BTRC: variants seen among roughly 807,000 people sequenced by gnomAD.
BTRC encodes the protein beta-transducin repeat containing E3 ubiquitin protein ligase, also known as F-box/WD repeat-containing protein 1A.
In BTRC, 42 loss-of-function variants were observed where a neutral mutation model predicts 85.5. The ratio of observed to expected loss-of-function variants is 0.49; its 90% CI spans 0.38 to 0.64. The LOEUF (loss-of-function observed/expected upper bound fraction) is 0.64, where lower values mean the gene tolerates loss of function less well. BTRC is among the 30% of genes least tolerant of loss of function. The pLI is 0.00. For missense variants in BTRC, 594 were observed against 743.5 expected (o/e 0.80, Z 2.34); for synonymous variants, 255 against 263.3 (o/e 0.97, Z 0.30).
rs60190021 is a variant in BTRC at position 101,368,464 on chromosome 10, CTTTTTTTTTT to C, written c.48+14259_48+14268del. On this transcript the variant is annotated intron_variant, in intron 1 of 14. Coordinates refer to ENST00000370187, the MANE Select transcript of BTRC (RefSeq NM_033637.4). ...TAGTAGAACCTATGCAACTGTTTTT[CTTTTTTTTTT>C]TTTTTTTTTTTTTTTTTTTTTTAGA... 2.3e-3 allele frequency among the ~76,000 whole-genome samples: 171 copies of C among 75,336 alleles called. 1 individual carries two copies. The highest frequency in any genetic ancestry group is 8.3e-3 in the Middle Eastern group (1 of 120). The allele number at this position is 75,336 out of a possible 152,430, so 49.4% of individuals were successfully genotyped here.
intron 4 of BTRC, among the ~76,000 whole-genome samples, chr10:101,514,855 C>A (rs12769629): frequency 6.6e-6 from 1 of 152,092 alleles, no homozygotes; most frequent in East Asian, 1.9e-4. Context: ...GTCCTTACAC[C>A]AAAGCCACAC....
intron 4 of BTRC, among the ~76,000 whole-genome samples, chr10:101,517,796 G>C (rs1301741100): frequency 6.6e-6 from 1 of 152,046 alleles, no homozygotes; most frequent in Non-Finnish European, 1.5e-5. Flanking sequence ...AGCAAATTCA[G>C]TAGGATCTGT....
intron 2 of BTRC, among the ~76,000 whole-genome samples, chr10:101,437,364 CAT>C (rs1349491614): frequency 6.6e-6 from 1 of 152,162 alleles, no homozygotes; most frequent in Non-Finnish European, 1.5e-5. Context: ...GCTAGATTAA[CAT>C]GTTAGTGTCC....
intron 1 of BTRC, among the ~76,000 whole-genome samples, chr10:101,385,525 A>G (rs1276145412): frequency 6.6e-6 from 1 of 151,056 alleles, no homozygotes. Context: ...GCATGGAGTC[A>G]TAGGATTTAA....
intron 5 of BTRC, among the ~76,000 whole-genome samples, chr10:101,525,426 AACAT>A (rs1447258521): frequency 6.6e-6 from 1 of 152,146 alleles, no homozygotes; most frequent in African/African-American, 2.4e-5. Context: ...CTTGAACTTA[AACAT>A]ACATCTCTGT....
intron 4 of BTRC, among the ~76,000 whole-genome samples, chr10:101,481,537 G>C (rs1410952346): frequency 1.1e-4 from 17 of 151,036 alleles, no homozygotes; most frequent in Admixed American, 1.1e-3. Context: ...TAAATAGGTT[G>C]GTGTGTGTCT....
chr10:101,443,479 G>A (rs1273428846), intron 2 of BTRC, among the ~76,000 whole-genome samples: 1 of 152,108 alleles, frequency 6.6e-6, no homozygotes, highest in African/African-American at 2.4e-5. Context: ...TTGATTTATA[G>A]AATGTGTATG....
At chr10:101,398,892 G>T (rs1943428780) in intron 1 of BTRC, among the ~76,000 whole-genome samples, 1 of 152,148 alleles carries the variant, frequency 6.6e-6, no homozygotes, top group South Asian at 2.1e-4. Flanking sequence ...TGTATACATT[G>T]CCTGGTTTTG....
At chr10:101,407,013 A>G (rs1456767415) in intron 1 of BTRC, among the ~76,000 whole-genome samples, 1 of 152,136 alleles carries the variant, frequency 6.6e-6, no homozygotes, top group South Asian at 2.1e-4. Flanking sequence ...AACATTTACC[A>G]CAGATGCCAA....
At chr10:101,415,165 G>A (rs7079033) in intron 1 of BTRC, among the ~76,000 whole-genome samples, 4 of 148,544 alleles carry the variant, frequency 2.7e-5, no homozygotes, top group Non-Finnish European at 5.9e-5. Flanking sequence ...CTATATAGGT[G>A]TACCATTTTT....
chr10:101,470,325 CTTTCT>C (rs1286378064), intron 3 of BTRC, among the ~76,000 whole-genome samples: 3 of 120,140 alleles, frequency 2.5e-5, no homozygotes, highest in Non-Finnish European at 5.3e-5. Context: ...ACCAATTTTT[CTTTCT>C]TTTTTTTTTT....
chr10:101,550,586 T>C, intron 13 of BTRC, 113 bp from the exon 14 acceptor site: 1 of 1,209,386 alleles, frequency 8.3e-7, no homozygotes, highest in Non-Finnish European at 1.2e-6. Context: ...CTGGCCTCTT[T>C]ATAACAGCAA....
intron 1 of BTRC, among the ~76,000 whole-genome samples, chr10:101,382,540 A>T (rs375976530): frequency 7.9e-5 from 12 of 151,822 alleles, no homozygotes; most frequent in African/African-American, 2.9e-4. Flanking sequence ...TTCTTAGTGC[A>T]CTACTACATC....
intron 13 of BTRC, among the ~76,000 whole-genome samples, chr10:101,539,187 T>C (rs947634316): frequency 1.3e-5 from 2 of 152,080 alleles, no homozygotes; most frequent in East Asian, 1.9e-4. Flanking sequence ...CCTTTTGACA[T>C]TTGGGGAAAA....
At position 101,539,028 on chromosome 10, in the gene BTRC, A is replaced by C. The variant is rs141216232; in HGVS notation, c.1656+657A>C. Among the ~76,000 whole-genome samples, 307 of 150,858 alleles carry C rather than the reference A, an allele frequency of 2.0e-3. 5 individuals are homozygous for C. The highest frequency in any genetic ancestry group is 0.017 in the Admixed American group (257 of 15,056). ...ATCATGCTTGCACTCCAGCCTGGGC[A>C]ACAAGAGCGAAACTCTGTCTTAAAA... On this transcript the variant is annotated intron_variant, in intron 13 of 14. Coordinates refer to ENST00000370187, the MANE Select transcript of BTRC (RefSeq NM_033637.4).
chr10:101,518,678 T>C (rs1451376693), intron 4 of BTRC, among the ~76,000 whole-genome samples: 1 of 152,164 alleles, frequency 6.6e-6, no homozygotes, highest in Non-Finnish European at 1.5e-5. Context: ...CTCACTCTGT[T>C]CCAGCCACAC....
intron 1 of BTRC, among the ~76,000 whole-genome samples, chr10:101,413,689 A>T (rs1943846774): frequency 6.6e-6 from 1 of 152,224 alleles, no homozygotes; most frequent in Non-Finnish European, 1.5e-5. Context: ...AAAAAACTTT[A>T]TATTAAAAGA....
rs140399004 is a variant in BTRC at position 101,444,112 on chromosome 10, A to C, written c.156+13660A>C. ...GAAATGGTATACTTATGTTCATATC[A>C]GATATATCTCATCTCAGCAAAAAAG... On this transcript the variant is annotated intron_variant, in intron 2 of 14. Coordinates refer to ENST00000370187, the MANE Select transcript of BTRC (RefSeq NM_033637.4). 3.0e-3 allele frequency among the ~76,000 whole-genome samples: 460 copies of C among 152,332 alleles called. 2 individuals are homozygous for C. The highest frequency in any genetic ancestry group is 0.011 in the African/African-American group (440 of 41,578).
intron 3 of BTRC, among the ~76,000 whole-genome samples, chr10:101,476,978 T>A (rs1488495596): frequency 3.3e-5 from 5 of 151,944 alleles, no homozygotes; most frequent in Non-Finnish European, 5.9e-5. Context: ...CCTAGCAATC[T>A]GTGTTTGTTT....
Sources: gnomAD v4.1 joint callset for allele counts (sites outside exome capture counted in the v4.1 genomes callset) on GRCh38, gnomAD v4.1.1 for gene constraint, MANE v1.5 for transcripts, NCBI Gene and HGNC (gene_info 2026-07-23, HGNC 2026-07-21) for gene names.